Variants in SYN3 observed in about 807,000 individuals in gnomAD.
SYN3 encodes the protein synapsin III, also known as synapsin-3.
Under a neutral mutation model 65.8 loss-of-function variants are expected in SYN3, and 35 were observed. The ratio of observed to expected loss-of-function variants is 0.53; its 90% confidence interval spans 0.41 to 0.70. The LOEUF (loss-of-function observed/expected upper bound fraction) is 0.70, where lower values mean the gene tolerates loss of function less well. Among genes scored for constraint, SYN3 ranks in the 30% least tolerant of loss-of-function variants. SYN3 has a pLI of 0.00. For synonymous variants in SYN3, 270 were observed against 292.9 expected (o/e 0.92, Z 0.80); for missense variants, 680 against 749.0 (o/e 0.91, Z 1.08).
rs527805956 is a variant in SYN3, at chr22:32,602,454, TTTTG to T, written c.712-5722_712-5719del. Among the ~76,000 whole-genome samples, 34 of 152,184 alleles carry T rather than the reference TTTTG, an allele frequency of 2.2e-4. No homozygotes were observed. The South Asian group carries it at 4.4e-3, about 20-fold the overall frequency. ...CCCGATAGTTTTTTGTTTTGTTTTG[TTTTG>T]TTTGTTTGTTTGTTTGTTTTTGGAG... On this transcript the variant is annotated intron_variant, in intron 6 of 13. Transcript: ENST00000358763.
At chr22:32,617,427 C>G (rs569271924) in intron 6 of SYN3, among the ~76,000 whole-genome samples, 94 of 151,816 alleles carry the variant, frequency 6.2e-4, no homozygotes, top group African/African-American at 2.2e-3. Context: ...ACATCACTGA[C>G]TCTGCATTTG....
chr22:32,814,233 AAAAG>A (rs1201081292), intron 6 of SYN3, among the ~76,000 whole-genome samples: 78 of 138,806 alleles, frequency 5.6e-4, no homozygotes, highest in African/African-American at 6.4e-4. Context: ...GAAAGAAAAA[AAAAG>A]AAAGAAAGAA....
At chr22:32,590,340 G>A (rs2059111304) in intron 7 of SYN3, among the ~76,000 whole-genome samples, 1 of 152,180 alleles carries the variant, frequency 6.6e-6, no homozygotes, top group Non-Finnish European at 1.5e-5. Flanking sequence ...ACTAAATGGT[G>A]TGTTTGTGAG....
At chr22:32,827,611 A>T (rs2047450543) in intron 6 of SYN3, among the ~76,000 whole-genome samples, 1 of 139,502 alleles carries the variant, frequency 7.2e-6, no homozygotes, top group South Asian at 2.3e-4. Context: ...TTTACAAGCC[A>T]CTCCCCTACA....
rs2057686355 is a variant in SYN3 at position 32,511,068 on chromosome 22, A to G, written c.*2624T>C. Among the ~76,000 whole-genome samples the G allele has an allele frequency of 6.6e-6, 1 of 151,784 alleles. No individual in the cohort carries two copies. Among genetic ancestry groups the G allele is most frequent in the African/African-American group, 2.4e-5 (1 of 41,242 alleles). On this transcript the variant is annotated 3_prime_UTR_variant, in exon 14 of 14. Coordinates refer to ENST00000358763, the MANE Select transcript of SYN3 (RefSeq NM_003490.4). ...ATCATCAAACCTTATGTTAATCAAT[A>G]TTTATACTCTCTTCTGTTAGATTTC... is the stretch of plus-strand genomic sequence containing the variant.
chr22:32,896,571 A>G (rs2049599394), intron 4 of SYN3, among the ~76,000 whole-genome samples: 2 of 152,380 alleles, frequency 1.3e-5, no homozygotes, highest in Admixed American at 1.3e-4. Context: ...TAAAACTATA[A>G]TAATATGTTA....
intron 6 of SYN3, among the ~76,000 whole-genome samples, chr22:32,706,536 T>C (rs2060882934): frequency 6.6e-6 from 1 of 152,134 alleles, no homozygotes; most frequent in Non-Finnish European, 1.5e-5. Context: ...TCACTACCAG[T>C]AGATTTGCCC....
Position 32,717,846 on chromosome 22 carries a change from C to T in SYN3, c.712-121110G>A, listed in dbSNP as rs144608499. Among the ~76,000 whole-genome samples, 193 of 152,288 alleles carry T rather than the reference C, an allele frequency of 1.3e-3. 1 individual carries two copies. Among genetic ancestry groups the T allele is most frequent in the African/African-American group, 4.4e-3 (183 of 41,564 alleles). On this transcript the variant is annotated intron_variant, in intron 6 of 13. Transcript: ENST00000358763. ...TCTGACTTGAAATGGGAGCTTTGGT[C>T]TCAGTTTCTGCATGGAGGCCTGGTA...
At chr22:32,916,426 C>A (rs1052389316) in intron 4 of SYN3, among the ~76,000 whole-genome samples, 2 of 152,192 alleles carry the variant, frequency 1.3e-5, no homozygotes, top group East Asian at 3.8e-4. Flanking sequence ...TAATTACTGT[C>A]GGTAAGTGGT....
rs770133718 is a variant in SYN3 at position 32,533,780 on chromosome 22, C to A, written c.1095+13G>T. On this transcript the variant is annotated intron_variant, in intron 10 of 13. Transcript: ENST00000358763. Reference sequence around the variant, plus strand: ...CTGGACCAGCCAGGAGGACTCCCTGCTTCATCCCTCACCTCGATGATGTAA... The same window carrying A: ...CTGGACCAGCCAGGAGGACTCCCTGATTCATCCCTCACCTCGATGATGTAA... The A allele has an allele frequency of 2.0e-5, 32 of 1,599,234 alleles. No homozygotes were observed. The Admixed American group carries it at 5.3e-4, about 27-fold the overall frequency.
At chr22:32,897,175 T>C (rs2049616810) in intron 4 of SYN3, among the ~76,000 whole-genome samples, 1 of 152,162 alleles carries the variant, frequency 6.6e-6, no homozygotes, top group African/African-American at 2.4e-5. Context: ...CTCTCTAGAA[T>C]GTGAGTACCT....
At chr22:32,833,609 C>T (rs1399590075) in intron 6 of SYN3, among the ~76,000 whole-genome samples, 2 of 152,134 alleles carry the variant, frequency 1.3e-5, no homozygotes, top group Non-Finnish European at 2.9e-5. Context: ...GCCACTGTGC[C>T]GTAGTTTAAC....
chr22:32,642,575 G>T (rs1255729370), intron 6 of SYN3, among the ~76,000 whole-genome samples: 1 of 151,876 alleles, frequency 6.6e-6, no homozygotes, highest in African/African-American at 2.4e-5. Flanking sequence ...CCGAGTAGCT[G>T]GGACTACAGG....
At chr22:32,554,169 C>T (rs532731352) in intron 7 of SYN3, among the ~76,000 whole-genome samples, 10 of 152,276 alleles carry the variant, frequency 6.6e-5, no homozygotes, top group South Asian at 2.1e-4. Flanking sequence ...CTCTCTTTTG[C>T]GTTCAGCCAA....
intron 6 of SYN3, among the ~76,000 whole-genome samples, chr22:32,661,361 C>T (rs1020995772): frequency 1.1e-4 from 17 of 152,214 alleles, no homozygotes; most frequent in African/African-American, 2.9e-4. Flanking sequence ...AAAGTCAGCC[C>T]GGGAACAAGT....
At chr22:32,914,562 C>T (rs773083477) in intron 4 of SYN3, among the ~76,000 whole-genome samples, 3 of 152,092 alleles carry the variant, frequency 2.0e-5, no homozygotes, top group South Asian at 2.1e-4. Context: ...CTCAGCCTCC[C>T]GAGTAGCTGG....
intron 4 of SYN3, among the ~76,000 whole-genome samples, chr22:32,896,068 T>C (rs547700149): frequency 6.6e-6 from 1 of 152,262 alleles, no homozygotes; most frequent in African/African-American, 2.4e-5. Flanking sequence ...CTTCTGGGAG[T>C]TTAGAGTCTA....
intron 3 of SYN3, among the ~76,000 whole-genome samples, chr22:32,966,699 G>A (rs190917967): frequency 2.6e-5 from 4 of 152,264 alleles, no homozygotes; most frequent in Non-Finnish European, 5.9e-5. Context: ...GGGACCACTT[G>A]AGCACAGGAG....
At chr22:32,533,266 C>T (rs192748368) in intron 10 of SYN3, among the ~76,000 whole-genome samples, 1 of 152,120 alleles carries the variant, frequency 6.6e-6, no homozygotes, top group African/African-American at 2.4e-5. Context: ...CTTCCAAATC[C>T]TCAATGCTCT....
Sources: gnomAD v4.1 joint callset for allele counts (sites outside exome capture counted in the v4.1 genomes callset) on GRCh38, gnomAD v4.1.1 for gene constraint, MANE v1.5 for transcripts, NCBI Gene and HGNC (gene_info 2026-07-23, HGNC 2026-07-21) for gene names.